Variants in HGS observed in about 807,000 individuals in gnomAD.
The protein encoded by HGS is hepatocyte growth factor-regulated tyrosine kinase substrate.
A neutral mutation model predicts 109.7 loss-of-function variants in HGS; 63 were observed. That is an observed-to-expected ratio of 0.57 (90% confidence interval 0.47 to 0.71). HGS has a LOEUF of 0.71. Ranked by LOEUF, HGS falls within the 30% of genes least tolerant of loss-of-function variation. The pLI, the probability that HGS is intolerant of heterozygous loss-of-function variation, is 0.00. For synonymous variants in HGS, 546 were observed against 437.3 expected, an observed-to-expected ratio of 1.25 and a Z score of -3.10; for missense variants, 995 against 1,068.3, an observed-to-expected ratio of 0.93 and a Z score of 0.96.
At chr17:81,694,011 G>A (rs771143123) in intron 11 of HGS, 46 bp downstream of exon 11, 18 of 1,508,568 alleles carry the variant, frequency 1.2e-5, no homozygotes, top group South Asian at 9.2e-5. Context: ...AAGGCAGTAG[G>A]GTTGATGGGG....
chr17:81,701,701 CCT>C lies in HGS; in HGVS notation c.*84_*85del, dbSNP rs1203374743. On this transcript the variant is annotated 3_prime_UTR_variant, in exon 22 of 22. Coordinates refer to ENST00000329138, the MANE Select transcript of HGS (RefSeq NM_004712.5). Reference sequence around the variant, plus strand: ...TCTCTAACTGCCGTCGTCCTGCCTCCCTGTCCTCTACTGCCGGTAGTGTCCCT... The same window carrying C: ...TCTCTAACTGCCGTCGTCCTGCCTCCGTCCTCTACTGCCGGTAGTGTCCCT... 4.0e-6 allele frequency: 6 copies of C among 1,491,810 alleles called. No individual in the cohort carries two copies. Among genetic ancestry groups the C allele is most frequent in the Admixed American group, 2.1e-5 (1 of 48,628 alleles). The allele number at this position is 1,491,810 out of a possible 1,614,324, so 92.4% of individuals were successfully genotyped here. A position where few individuals can be genotyped will look rare whatever the true frequency, so the allele number is the denominator to read the frequency against.
At chr17:81,688,149 C>T (rs375468354) in intron 4 of HGS, among the ~76,000 whole-genome samples, 3 of 152,156 alleles carry the variant, frequency 2.0e-5, no homozygotes, top group Non-Finnish European at 2.9e-5. Context: ...CCGTCCTGCA[C>T]GTCACACCGG....
rs764858156 is a variant in HGS at position 81,695,244 on chromosome 17, C to T, written c.1179+21C>T. On this transcript the variant is annotated intron_variant, in intron 14 of 21. Transcript: ENST00000329138. ...GTGAGGTAAGCTGTGGCTCCCTCCA[C>T]GGGCCAGGGCAAAACATGGCCTCCT... The T allele has an allele frequency of 2.1e-5, 34 of 1,612,342 alleles. No homozygotes were observed. In the East Asian group the frequency reaches 3.1e-4, roughly 15 times the overall value.
At position 81,690,231 on chromosome 17, in the gene HGS, G is replaced by A. The variant is rs2037042240; in HGVS notation, c.465G>A (p.Glu155=). ...FKESDAMFAA[E]RAPDWVDAEE... is the part of the protein sequence containing the mutation. ...AGAGCGATGCCATGTTTGCTGCCGAGAGAGTGAGTGTGGGCGGCCGCCAGG... is the reference window on the plus strand; with the variant it reads ...AGAGCGATGCCATGTTTGCTGCCGAAAGAGTGAGTGTGGGCGGCCGCCAGG... The change falls in exon 6 of 22, where the codon GAG becomes GAA. Residue 155 remains glutamate (E), a synonymous_variant. Coordinates refer to ENST00000329138, the MANE Select transcript of HGS (RefSeq NM_004712.5). The A allele has an allele frequency of 2.5e-6, 4 of 1,613,932 alleles. No individual in the cohort carries two copies. In the East Asian group the frequency reaches 6.7e-5, roughly 27 times the overall value.
At chr17:81,701,210 C>G (rs760777447) in intron 21 of HGS, 79 bp downstream of exon 21, 2 of 1,291,824 alleles carry the variant, frequency 1.5e-6, no homozygotes, top group African/African-American at 2.9e-5. Context: ...GACCCCTGGC[C>G]CCAGTGGGGA....
intron 5 of HGS, among the ~76,000 whole-genome samples, chr17:81,689,912 C>T (rs775574853): frequency 6.6e-6 from 1 of 152,214 alleles, no homozygotes; most frequent in Non-Finnish European, 1.5e-5. Context: ...GCAGGCGGGG[C>T]CACGCAGGGG....
rs776621811 is a variant in HGS at position 81,690,542 on chromosome 17, G to A, written c.469-132G>A. On this transcript the variant is annotated intron_variant, in intron 6 of 21. Coordinates refer to ENST00000329138, the MANE Select transcript of HGS (RefSeq NM_004712.5). Reference sequence around the variant, plus strand: ...CCAGGCCACGCCGCTGGGAAGGGCCGCCCGGGGCATTGCTCTCGCTCGTGC... The same window carrying A: ...CCAGGCCACGCCGCTGGGAAGGGCCACCCGGGGCATTGCTCTCGCTCGTGC... The A allele has an allele frequency of 2.4e-4, 204 of 861,844 alleles. 2 individuals are homozygous for A. The highest frequency in any genetic ancestry group is 4.8e-4 in the Admixed American group (17 of 35,698). 53.4% of individuals were successfully genotyped at this position (861,844 alleles called of 1,614,324 possible).
chr17:81,690,929 C>G (rs2037053904), intron 7 of HGS, 187 bp downstream of exon 7: 1 of 556,894 alleles, frequency 1.8e-6, no homozygotes, highest in African/African-American at 1.9e-5. Context: ...GGCCTGATGC[C>G]ACTGCCTGGG....
intron 20 of HGS, 35 bp from the exon 21 acceptor site, chr17:81,701,010 G>A (rs780587750): frequency 6.3e-7 from 1 of 1,591,080 alleles, no homozygotes; most frequent in East Asian, 2.2e-5. Context: ...TGGTCACAGG[G>A]CTACTCTCTC....
chr17:81,689,550 C>T (rs952746130), intron 5 of HGS, among the ~76,000 whole-genome samples: 5 of 152,130 alleles, frequency 3.3e-5, no homozygotes, highest in Admixed American at 1.3e-4. Context: ...CACATCTGTG[C>T]GGGTTCTCTG....
intron 5 of HGS, among the ~76,000 whole-genome samples, chr17:81,689,180 C>T (rs959512046): frequency 2.0e-5 from 3 of 152,202 alleles, no homozygotes; most frequent in African/African-American, 7.2e-5. Context: ...GAGACTGGAA[C>T]AGAAGCCAGA....
intron 6 of HGS, 142 bp downstream of exon 6, chr17:81,690,376 C>A: frequency 2.3e-6 from 2 of 874,568 alleles, no homozygotes; most frequent in Non-Finnish European, 3.7e-6. Flanking sequence ...GTGTCCTGGG[C>A]GGAGGCGTAG....
intron 14 of HGS, chr17:81,695,547 T>C (rs1036156399): frequency 5.0e-6 from 3 of 601,480 alleles, no homozygotes; most frequent in Middle Eastern, 4.4e-4. Flanking sequence ...CACAGGTCCC[T>C]GGAGAGGGAG....
intron 1 of HGS, chr17:81,685,135 A>C (rs34709589): frequency 2.2e-6 from 2 of 919,016 alleles, no homozygotes; most frequent in Non-Finnish European, 2.6e-6. Context: ...GGCTTGGAGC[A>C]AGGGGCCTGG....
chr17:81,700,985 A>G, intron 20 of HGS, 60 bp from the exon 21 acceptor site: 1 of 1,560,948 alleles, frequency 6.4e-7, no homozygotes, highest in Non-Finnish European at 8.8e-7. Context: ...CAAGCCAGAA[A>G]CATCCCCGCC....
rs2037243731 is a variant in HGS, at chr17:81,701,902, A to C, written c.*284A>C. 9.4e-6 allele frequency: 3 copies of C among 320,474 alleles called. No individual in the cohort carries two copies. The Admixed American group carries it at 1.5e-4, about 16-fold the overall frequency. The allele number at this position is 320,474 out of a possible 1,614,324, so 19.9% of individuals were successfully genotyped here. A position where few individuals can be genotyped will look rare whatever the true frequency, so the allele number is the denominator to read the frequency against. On this transcript the variant is annotated 3_prime_UTR_variant, in exon 22 of 22. Transcript: ENST00000329138. Reference sequence around the variant, plus strand: ...TGGGTCATGGTCTGTGAGAGGTGGCAGGAATGGGGACCCTCACCCCCCAAG... The same window carrying C: ...TGGGTCATGGTCTGTGAGAGGTGGCCGGAATGGGGACCCTCACCCCCCAAG...
At position 81,701,694 on chromosome 17, in the gene HGS, C is replaced by T; in HGVS notation, c.*76C>T. On this transcript the variant is annotated 3_prime_UTR_variant, in exon 22 of 22. Transcript: ENST00000329138. Reference sequence around the variant, plus strand: ...CGCCTCGTCTCTAACTGCCGTCGTCCTGCCTCCCTGTCCTCTACTGCCGGT... The same window carrying T: ...CGCCTCGTCTCTAACTGCCGTCGTCTTGCCTCCCTGTCCTCTACTGCCGGT... 3 of 1,497,846 alleles carry T rather than the reference C, an allele frequency of 2.0e-6. No individual in the cohort carries two copies. The highest frequency in any genetic ancestry group is 1.2e-5 in the South Asian group (1 of 80,276). The allele number at this position is 1,497,846 out of a possible 1,614,324, so 92.8% of individuals were successfully genotyped here.
chr17:81,695,071 AG>A lies in HGS; in HGVS notation c.1119+9del. On this transcript the variant is annotated splice_donor_5th_base_variant and intron_variant, in intron 13 of 21. Transcript: ENST00000329138. Reference sequence around the variant, plus strand: ...AGCCCCCACCAACGTGGTGGAGGTGAGGGGGCCACTCCCGGCATTCCTAGTG... The same window carrying A: ...AGCCCCCACCAACGTGGTGGAGGTGAGGGGCCACTCCCGGCATTCCTAGTG... 1 of 1,612,634 alleles carries A rather than the reference AG, an allele frequency of 6.2e-7. No homozygotes were observed. Among genetic ancestry groups the A allele is most frequent in the Non-Finnish European group, 8.5e-7 (1 of 1,178,930 alleles).
At chr17:81,687,668 T>C (rs1255543616) in intron 4 of HGS, among the ~76,000 whole-genome samples, 1 of 152,192 alleles carries the variant, frequency 6.6e-6, no homozygotes, top group Non-Finnish European at 1.5e-5. Context: ...GGGATTGTGC[T>C]GGGGACACCT....
Sources: allele counts gnomAD v4.1 joint callset (sites outside exome capture counted in the v4.1 genomes callset), GRCh38; gene constraint gnomAD v4.1.1; transcripts MANE v1.5; gene names NCBI Gene and HGNC (gene_info 2026-07-23, HGNC 2026-07-21).